Variants in ADAM23 observed in about 807,000 individuals in gnomAD.
ADAM23 encodes disintegrin and metalloproteinase domain-containing protein 23.
ADAM23 carries 33 observed loss-of-function variants against 120.1 expected under a neutral mutation model. The observed-to-expected ratio is 0.27, with a 90% CI of 0.21 to 0.37. The LOEUF (loss-of-function observed/expected upper bound fraction) is 0.37, where lower values mean the gene tolerates loss of function less well. Ranked by LOEUF, ADAM23 falls within the 10% of genes least tolerant of loss-of-function variation. The probability of loss-of-function intolerance (pLI) is 1.00; values close to 1 mark genes in which losing one functional copy is unlikely to be tolerated. For missense variants in ADAM23, 862 were observed against 1,058.2 expected, an observed-to-expected ratio of 0.81 and a Z score of 2.57; for synonymous variants, 367 against 375.2, an observed-to-expected ratio of 0.98 and a Z score of 0.25.
intron 7 of ADAM23, among the ~76,000 whole-genome samples, chr2:206,547,726 A>G (rs1559258606): frequency 1.3e-5 from 2 of 152,290 alleles, no homozygotes; most frequent in East Asian, 3.9e-4. Context: ...CTGCCTTGGG[A>G]ACCAGAAAGT....
chr2:206,513,513 A>G (rs1696669635), intron 3 of ADAM23, among the ~76,000 whole-genome samples: 1 of 152,228 alleles, frequency 6.6e-6, no homozygotes, highest in Non-Finnish European at 1.5e-5. Flanking sequence ...AGCTAGCAGA[A>G]TTTGGTTCAT....
intron 2 of ADAM23, among the ~76,000 whole-genome samples, chr2:206,450,020 C>G (rs1219073373): frequency 6.6e-6 from 1 of 152,120 alleles, no homozygotes; most frequent in Non-Finnish European, 1.5e-5. Flanking sequence ...GTTTCCTTCT[C>G]TATTTTAGGA....
chr2:206,573,642 A>G (rs1163287508), intron 18 of ADAM23, among the ~76,000 whole-genome samples: 1 of 152,090 alleles, frequency 6.6e-6, no homozygotes, highest in African/African-American at 2.4e-5. Context: ...AAAAAATTGG[A>G]CATGCATTAA....
At chr2:206,603,934 C>T (rs557326892) in intron 24 of ADAM23, among the ~76,000 whole-genome samples, 4 of 150,242 alleles carry the variant, frequency 2.7e-5, no homozygotes, top group Admixed American at 6.6e-5. Flanking sequence ...TATTGCAGCT[C>T]TGAGAACCAA....
chr2:206,560,149 C>G lies in ADAM23; in HGVS notation c.1169+31C>G, dbSNP rs774735613. Reference sequence around the variant, plus strand: ...TACTCATTTCAGCCTTTAGTGTAGTCTTTGGTCTGACATTTATCCTTATCC... The same window carrying G: ...TACTCATTTCAGCCTTTAGTGTAGTGTTTGGTCTGACATTTATCCTTATCC... On this transcript the variant is annotated intron_variant, in intron 11 of 25. Coordinates refer to ENST00000264377, the MANE Select transcript of ADAM23 (RefSeq NM_003812.4). 1.9e-6 allele frequency: 3 copies of G among 1,590,732 alleles called. No homozygotes were observed. In the South Asian group the frequency reaches 3.4e-5, roughly 18 times the overall value.
At chr2:206,532,170 C>G (rs1387356735) in intron 4 of ADAM23, among the ~76,000 whole-genome samples, 1 of 152,124 alleles carries the variant, frequency 6.6e-6, no homozygotes, top group Admixed American at 6.5e-5. Context: ...CAAACTGAAG[C>G]TTCTGTCAGC....
chr2:206,570,192 T>C (rs1697968228), intron 15 of ADAM23, among the ~76,000 whole-genome samples: 4 of 152,262 alleles, frequency 2.6e-5, no homozygotes, highest in African/African-American at 4.8e-5. Flanking sequence ...ATGTGTCTTA[T>C]GCTTGCAGAC....
intron 23 of ADAM23, 133 bp from the exon 24 acceptor site, chr2:206,595,918 C>T (rs543691522): frequency 1.6e-6 from 1 of 642,122 alleles, no homozygotes; most frequent in South Asian, 2.2e-5. Flanking sequence ...TGATCAAGAC[C>T]ATGGGAAACT....
At chr2:206,551,027 T>A (rs925326022) in intron 9 of ADAM23, among the ~76,000 whole-genome samples, 42 of 152,228 alleles carry the variant, frequency 2.8e-4, no homozygotes, top group African/African-American at 9.6e-4. Context: ...TTGTTCCTCA[T>A]TTTCCCCTCT....
At chr2:206,524,404 C>A (rs908529164) in intron 3 of ADAM23, among the ~76,000 whole-genome samples, 1 of 152,188 alleles carries the variant, frequency 6.6e-6, no homozygotes, top group African/African-American at 2.4e-5. Context: ...ACTGCTGACT[C>A]CTCTTGCCCA....
chr2:206,462,486 G>A (rs1178469505), intron 2 of ADAM23, among the ~76,000 whole-genome samples: 3 of 152,044 alleles, frequency 2.0e-5, no homozygotes, highest in African/African-American at 7.2e-5. Flanking sequence ...TCCCCTTTTC[G>A]CCCTACCACT....
rs150456454 is a variant in ADAM23 at position 206,571,095 on chromosome 2, C to T, written c.1566+284C>T. Reference sequence around the variant, plus strand: ...TTACCAAATCGTAAAACATTCTTTCCGTGTTGTATATTATTTTTATCTTTA... The same window carrying T: ...TTACCAAATCGTAAAACATTCTTTCTGTGTTGTATATTATTTTTATCTTTA... On this transcript the variant is annotated intron_variant, in intron 16 of 25. Transcript: ENST00000264377. Among the ~76,000 whole-genome samples the T allele has an allele frequency of 2.1e-3, 319 of 152,154 alleles. 3 individuals are homozygous for T. Among genetic ancestry groups the T allele is most frequent in the African/African-American group, 7.2e-3 (300 of 41,484 alleles).
chr2:206,555,030 G>A (rs546110903), intron 9 of ADAM23, among the ~76,000 whole-genome samples: 2 of 152,178 alleles, frequency 1.3e-5, no homozygotes, highest in South Asian at 4.1e-4. Flanking sequence ...AGTGCCGCAG[G>A]GCTTGGTTCA....
At chr2:206,449,526 G>C (rs530178408) in intron 2 of ADAM23, among the ~76,000 whole-genome samples, 1 of 152,296 alleles carries the variant, frequency 6.6e-6, no homozygotes, top group South Asian at 2.1e-4. Flanking sequence ...CCAGCACTCT[G>C]GGAGGCTGAG....
At chr2:206,593,691 T>G (rs1698467351) in intron 22 of ADAM23, among the ~76,000 whole-genome samples, 1 of 152,144 alleles carries the variant, frequency 6.6e-6, no homozygotes, top group Non-Finnish European at 1.5e-5. Context: ...AATGTGTGTT[T>G]TCATGCCTTT....
intron 2 of ADAM23, 51 bp downstream of exon 2, chr2:206,445,575 T>G (rs1695066183): frequency 6.8e-7 from 1 of 1,473,248 alleles, no homozygotes; most frequent in African/African-American, 1.4e-5. Flanking sequence ...GAGTTTTCCT[T>G]TGATTTGATT....
intron 20 of ADAM23, 137 bp from the exon 21 acceptor site, chr2:206,589,272 C>T (rs1574552275): frequency 3.1e-6 from 2 of 642,244 alleles, no homozygotes; most frequent in East Asian, 5.7e-5. Flanking sequence ...ACCATGGAAA[C>T]TTGCAAATGC....
At chr2:206,583,619 C>T (rs904242468) in intron 18 of ADAM23, among the ~76,000 whole-genome samples, 1 of 152,042 alleles carries the variant, frequency 6.6e-6, no homozygotes, top group African/African-American at 2.4e-5. Context: ...TCTTTGAACT[C>T]TTAATTTCTT....
intron 2 of ADAM23, among the ~76,000 whole-genome samples, chr2:206,459,022 T>C (rs1695358882): frequency 6.6e-6 from 1 of 152,250 alleles, no homozygotes; most frequent in African/African-American, 2.4e-5. Flanking sequence ...TTTTTGCGTC[T>C]TAACAGTCTT....
Sources: allele counts gnomAD v4.1 joint callset (sites outside exome capture counted in the v4.1 genomes callset), GRCh38; gene constraint gnomAD v4.1.1; transcripts MANE v1.5; gene names NCBI Gene and HGNC (gene_info 2026-07-23, HGNC 2026-07-21).